DTNA: variants seen among roughly 807,000 people sequenced by gnomAD.
The protein encoded by DTNA is dystrophin-related protein 3.
Under a neutral mutation model 100.7 loss-of-function variants are expected in DTNA, and 43 were observed. That is an observed-to-expected ratio of 0.43 (90% confidence interval 0.33 to 0.55). The LOEUF (loss-of-function observed/expected upper bound fraction) is 0.55, where lower values mean the gene tolerates loss of function less well. Among genes scored for constraint, DTNA ranks in the 20% least tolerant of loss-of-function variants. The pLI, the probability that DTNA is intolerant of heterozygous loss-of-function variation, is 0.04. For synonymous variants in DTNA, 349 were observed against 347.9 expected (o/e 1.00, Z -0.04); for missense variants, 798 against 953.9 (o/e 0.84, Z 2.15).
chr18:34,720,966 G>A (rs1243136688), intron 1 of DTNA, among the ~76,000 whole-genome samples: 2 of 152,208 alleles, frequency 1.3e-5, no homozygotes, highest in Non-Finnish European at 2.9e-5. Flanking sequence ...ATCTGGAGAA[G>A]TAACAAGCTT....
intron 1 of DTNA, among the ~76,000 whole-genome samples, chr18:34,555,922 C>G (rs1171285904): frequency 6.6e-6 from 1 of 151,614 alleles, no homozygotes; most frequent in Non-Finnish European, 1.5e-5. Context: ...TCCTGGGTAT[C>G]CTTGTTGACT....
At chr18:34,615,579 TA>T (rs1162405710) in intron 1 of DTNA, among the ~76,000 whole-genome samples, 1 of 152,136 alleles carries the variant, frequency 6.6e-6, no homozygotes, top group East Asian at 1.9e-4. Context: ...ACTTTTATTT[TA>T]GTTTCAGAAG....
At chr18:34,861,952 CCT>C (rs529486960) in intron 16 of DTNA, among the ~76,000 whole-genome samples, 3 of 152,058 alleles carry the variant, frequency 2.0e-5, no homozygotes, top group Non-Finnish European at 4.4e-5. Context: ...GTGTTTCTCA[CCT>C]ACAGTTTTAG....
At chr18:34,734,196 T>TA in intron 1 of DTNA, among the ~76,000 whole-genome samples, 1 of 152,124 alleles carries the variant, frequency 6.6e-6, no homozygotes, top group Non-Finnish European at 1.5e-5. Flanking sequence ...GAATCAACAT[T>TA]ATCTTGCTTG....
intron 1 of DTNA, among the ~76,000 whole-genome samples, chr18:34,690,170 C>G (rs2079544093): frequency 6.6e-6 from 1 of 152,216 alleles, no homozygotes; most frequent in Non-Finnish European, 1.5e-5. Context: ...GTCTCACTGG[C>G]TTTCCAGGCA....
intron 1 of DTNA, among the ~76,000 whole-genome samples, chr18:34,724,205 A>T (rs1486746119): frequency 6.6e-6 from 1 of 152,200 alleles, no homozygotes; most frequent in Non-Finnish European, 1.5e-5. Context: ...TTGATAAAAG[A>T]TTTTATTTTT....
chr18:34,877,652 T>C (rs1229565017), intron 18 of DTNA, 67 bp from the exon 19 acceptor site: 2 of 1,428,486 alleles, frequency 1.4e-6, no homozygotes, highest in East Asian at 4.8e-5. Flanking sequence ...GAAGGATAAA[T>C]AAACAACATA....
intron 1 of DTNA, among the ~76,000 whole-genome samples, chr18:34,600,407 T>A (rs2051548459): frequency 6.6e-6 from 1 of 152,222 alleles, no homozygotes; most frequent in Non-Finnish European, 1.5e-5. Context: ...TTTTTCTTTT[T>A]AAGTCTCAGT....
At chr18:34,750,867 T>A (rs899772802) in intron 1 of DTNA, among the ~76,000 whole-genome samples, 1 of 152,226 alleles carries the variant, frequency 6.6e-6, no homozygotes, top group East Asian at 1.9e-4. Flanking sequence ...GGAAGTAACT[T>A]GAGGATGTGA....
At chr18:34,518,056 G>T (rs1465565889) in intron 1 of DTNA, among the ~76,000 whole-genome samples, 1 of 152,146 alleles carries the variant, frequency 6.6e-6, no homozygotes, top group Non-Finnish European at 1.5e-5. Flanking sequence ...TAAACAATGT[G>T]TGAGGGATTA....
intron 1 of DTNA, among the ~76,000 whole-genome samples, chr18:34,508,580 A>T (rs2040725756): frequency 6.6e-6 from 1 of 152,196 alleles, no homozygotes. Flanking sequence ...AAAATGTTTT[A>T]TGATGGTGCT....
intron 18 of DTNA, 84 bp from the exon 19 acceptor site, chr18:34,877,635 T>C: frequency 8.0e-7 from 1 of 1,247,886 alleles, no homozygotes; most frequent in South Asian, 1.3e-5. Context: ...CTTTAGGTTA[T>C]TAATGGGAAG....
At chr18:34,551,633 C>T (rs1337031398) in intron 1 of DTNA, among the ~76,000 whole-genome samples, 4 of 152,134 alleles carry the variant, frequency 2.6e-5, no homozygotes, top group Non-Finnish European at 5.9e-5. Flanking sequence ...CTTCATCTCT[C>T]CAGCTTTCAG....
At chr18:34,857,344 A>C (rs1773108282) in intron 15 of DTNA, among the ~76,000 whole-genome samples, 1 of 152,164 alleles carries the variant, frequency 6.6e-6, no homozygotes, top group Non-Finnish European at 1.5e-5. Flanking sequence ...TTCCTTGTAC[A>C]CCAAGTTCAC....
chr18:34,606,843 G>A (rs1048559216), intron 1 of DTNA, among the ~76,000 whole-genome samples: 4 of 152,094 alleles, frequency 2.6e-5, no homozygotes, highest in Non-Finnish European at 2.9e-5. Context: ...TGAACTCTGA[G>A]GCTAAAATGA....
At chr18:34,572,774 G>A (rs2047718070) in intron 1 of DTNA, among the ~76,000 whole-genome samples, 1 of 152,148 alleles carries the variant, frequency 6.6e-6, no homozygotes, top group South Asian at 2.1e-4. Flanking sequence ...TTACCTTGCA[G>A]TGGAACAGAA....
At chr18:34,590,080 C>T (rs1378376171) in intron 1 of DTNA, among the ~76,000 whole-genome samples, 3 of 152,082 alleles carry the variant, frequency 2.0e-5, no homozygotes, top group Non-Finnish European at 4.4e-5. Flanking sequence ...GTACAGATAC[C>T]TTTAGGAGTT....
rs538806487 is a variant in DTNA at position 34,679,890 on chromosome 18, A to G, written c.-1-76086A>G. ...TCTTGACCGTCACTTCCCAGTTTCTATTAAGCAAATGCCATAATACTTCAT... is the reference window on the plus strand; with the variant it reads ...TCTTGACCGTCACTTCCCAGTTTCTGTTAAGCAAATGCCATAATACTTCAT... On this transcript the variant is annotated intron_variant, in intron 1 of 19. Coordinates refer to the DTNA transcript ENST00000283365. Among the ~76,000 whole-genome samples the G allele has an allele frequency of 3.3e-5, 5 of 152,262 alleles. No individual in the cohort carries two copies. The South Asian group carries it at 8.3e-4, about 25-fold the overall frequency.
At chr18:34,750,481 G>GA (rs1252834432) in intron 1 of DTNA, among the ~76,000 whole-genome samples, 2 of 152,104 alleles carry the variant, frequency 1.3e-5, no homozygotes, top group Non-Finnish European at 2.9e-5. Context: ...ACCAATTTCA[G>GA]AAAATCTTAA....
Sources: allele counts gnomAD v4.1 joint callset (sites outside exome capture counted in the v4.1 genomes callset), GRCh38; gene constraint gnomAD v4.1.1; transcripts MANE v1.5; gene names NCBI Gene and HGNC (gene_info 2026-07-23, HGNC 2026-07-21).